The following EGFL7 variants were observed in gnomAD, a reference collection of about 807,000 sequenced individuals.
EGFL7 encodes EGF like domain multiple 7, also known as epidermal growth factor-like protein 7.
A neutral mutation model predicts 37.1 loss-of-function variants in EGFL7; 48 were observed. That is an observed-to-expected ratio of 1.29 (90% CI 1.03 to 1.65). The LOEUF is 1.65. Among genes scored for constraint, EGFL7 ranks in the 40% most tolerant of loss-of-function variants. The pLI is 0.00. For missense variants in EGFL7, 384 were observed against 378.9 expected (o/e 1.01, Z -0.11); for synonymous variants, 180 against 156.8 (o/e 1.15, Z -1.10).
At chr9:136,670,688 C>G (rs373562849) in intron 8 of EGFL7, 1 of 772,724 alleles carries the variant, frequency 1.3e-6, no homozygotes, top group South Asian at 1.4e-5. Flanking sequence ...TCCACGGCAC[C>G]GCATCGAAAA....
chr9:136,667,559 C>T (rs917819792), intron 3 of EGFL7, among the ~76,000 whole-genome samples: 6 of 152,178 alleles, frequency 3.9e-5, no homozygotes, highest in African/African-American at 1.4e-4. Context: ...GGGGGCTGCT[C>T]CTCACCCCCA....
chr9:136,670,884 G>C (rs946562030), intron 8 of EGFL7, 66 bp from the exon 9 acceptor site: 3 of 1,442,408 alleles, frequency 2.1e-6, no homozygotes, highest in Non-Finnish European at 2.8e-6. Flanking sequence ...CTGGGGACAG[G>C]AGGGAGCCTG....
chr9:136,669,900 TC>T lies in EGFL7; in HGVS notation c.314-9del, dbSNP rs1163646501. 6 of 1,565,464 alleles carry T rather than the reference TC, an allele frequency of 3.8e-6. No homozygotes were observed. The highest frequency in any genetic ancestry group is 2.0e-4 in the Middle Eastern group (1 of 4,974). On this transcript the variant is annotated splice_polypyrimidine_tract_variant and intron_variant, in intron 6 of 10. Transcript: ENST00000308874. ...GACCCAACTGAGCTGGTGACCAGCC[TC>T]CCCCGCCCACAGCAATATGCCAGCC... is the stretch of plus-strand genomic sequence containing the variant.
intron 4 of EGFL7, 21 bp downstream of exon 4, chr9:136,668,383 G>A: frequency 6.4e-7 from 1 of 1,567,060 alleles, no homozygotes; most frequent in Admixed American, 1.8e-5. Context: ...CCCTAGCCTG[G>A]GAGTGCTGGG....
chr9:136,672,408 C>T lies in EGFL7; in HGVS notation c.*122C>T. Reference sequence around the variant, plus strand: ...TGACTGAGCGGAAGGCCAGGCAGGGCCTTCCTCCTCTTCCTCCTCCCCTTC... The same window carrying T: ...TGACTGAGCGGAAGGCCAGGCAGGGTCTTCCTCCTCTTCCTCCTCCCCTTC... On this transcript the variant is annotated 3_prime_UTR_variant, in exon 11 of 11. Transcript: ENST00000308874. The T allele has an allele frequency of 8.3e-7, 1 of 1,205,664 alleles. No homozygotes were observed. 74.7% of individuals were successfully genotyped at this position (1,205,664 alleles called of 1,614,324 possible).
At chr9:136,671,281 G>A (rs186435535) in intron 9 of EGFL7, among the ~76,000 whole-genome samples, 38 of 118,214 alleles carry the variant, frequency 3.2e-4, no homozygotes, top group East Asian at 2.5e-3. Context: ...GAGGCGTCGG[G>A]GGGGGAGGCA....
Position 136,669,668 on chromosome 9 carries a change from C to T in EGFL7, c.260C>T (p.Ala87Val), listed in dbSNP as rs745614827. Residue 87 changes from alanine (A) to valine (V), a missense_variant, in exon 6 of 11, where the codon GCG becomes GTG. By Grantham distance (64) the Ala-to-Val change is moderately conservative (BLOSUM62 0). Transcript: ENST00000308874. ...CTGGCCCCTGCCAGGCCTCGCTACG[C>T]GTGCTGCCCCGGCTGGAAGAGGACC... ...PGLAPARPRY[A>V]CCPGWKRTSG... 2.4e-5 allele frequency: 39 copies of T among 1,609,392 alleles called. No individual in the cohort carries two copies. Among genetic ancestry groups the T allele is most frequent in the Admixed American group, 1.3e-4 (8 of 59,670 alleles).
chr9:136,672,550 A>T lies in EGFL7; in HGVS notation c.*264A>T. On this transcript the variant is annotated 3_prime_UTR_variant, in exon 11 of 11. Transcript: ENST00000308874. ...GCATCCCAAGGCCAGGTGGGCCCTCAGCTGAGGGAAGGTACGAGCTCCCTG... is the reference window on the plus strand; with the variant it reads ...GCATCCCAAGGCCAGGTGGGCCCTCTGCTGAGGGAAGGTACGAGCTCCCTG... 1 of 588,318 alleles carries T rather than the reference A, an allele frequency of 1.7e-6. No homozygotes were observed. Among genetic ancestry groups the T allele is most frequent in the South Asian group, 2.0e-5 (1 of 48,950 alleles). The allele number at this position is 588,318 out of a possible 1,614,324, so 36.4% of individuals were successfully genotyped here.
At chr9:136,665,395 C>T (rs1264769526) in intron 3 of EGFL7, among the ~76,000 whole-genome samples, 1 of 152,236 alleles carries the variant, frequency 6.6e-6, no homozygotes, top group African/African-American at 2.4e-5. Context: ...CTGAGATGGG[C>T]GTCCCGGGGT....
chr9:136,665,521 C>T (rs1022164392), intron 3 of EGFL7, among the ~76,000 whole-genome samples: 1 of 152,182 alleles, frequency 6.6e-6, no homozygotes. Context: ...GCGTCCCCAG[C>T]GACCGCGCAG....
At chr9:136,670,740 G>A (rs1845800032) in intron 8 of EGFL7, 2 of 745,614 alleles carry the variant, frequency 2.7e-6, no homozygotes, top group Non-Finnish European at 5.0e-6. Flanking sequence ...AGCGTGGCCG[G>A]GACCCTGAGC....
intron 5 of EGFL7, 87 bp from the exon 6 acceptor site, chr9:136,669,519 G>C (rs1478483668): frequency 1.0e-6 from 1 of 956,132 alleles, no homozygotes; most frequent in African/African-American, 1.6e-5. Context: ...GGGTGACCCT[G>C]TGCACTCTGA....
chr9:136,671,046 G>A lies in EGFL7; in HGVS notation c.636+32G>A, dbSNP rs758455792. ...CATTGGTGGGGGGGGGGGGGGGCAG[G>A]CAGTCCAGGGTGGACCTGCTGGAGG... On this transcript the variant is annotated intron_variant, in intron 9 of 10. Transcript: ENST00000308874. 3.3e-6 allele frequency: 4 copies of A among 1,218,220 alleles called. No homozygotes were observed. The African/African-American group carries it at 8.1e-5, about 25-fold the overall frequency. The allele number at this position is 1,218,220 out of a possible 1,614,324, so 75.5% of individuals were successfully genotyped here. A position where few individuals can be genotyped will look rare whatever the true frequency, so the allele number is the denominator to read the frequency against.
Position 136,669,687 on chromosome 9 carries a change from G to T in EGFL7, c.279G>T (p.Lys93Asn). ...RPRYACCPGW[K>N]RTSGLPGACG... Reference sequence around the variant, plus strand: ...GCTACGCGTGCTGCCCCGGCTGGAAGAGGACCAGCGGGCTTCCTGGGGCCT... The same window carrying T: ...GCTACGCGTGCTGCCCCGGCTGGAATAGGACCAGCGGGCTTCCTGGGGCCT... The change falls in exon 6 of 11, where the codon AAG (lysine) becomes AAT (asparagine). Residue 93 changes from lysine (K) to asparagine (N), a missense_variant. Coordinates refer to ENST00000308874, the MANE Select transcript of EGFL7 (RefSeq NM_016215.5). 6.2e-7 allele frequency: 1 copy of T among 1,605,644 alleles called. No individual in the cohort carries two copies.
At position 136,663,964 on chromosome 9, in the gene EGFL7, G is replaced by A. The variant is rs1393928335; in HGVS notation, c.-137+341G>A. On this transcript the variant is annotated intron_variant, in intron 2 of 10. Transcript: ENST00000308874. Reference sequence around the variant, plus strand: ...CTTCCAGACTCAGGCAGGAGAGGTGGGGAGGCAGGTCAAAGGGTTAAGTGA... The same window carrying A: ...CTTCCAGACTCAGGCAGGAGAGGTGAGGAGGCAGGTCAAAGGGTTAAGTGA... 2.0e-5 allele frequency among the ~76,000 whole-genome samples: 3 copies of A among 152,236 alleles called. No homozygotes were observed. The East Asian group carries it at 5.8e-4, about 29-fold the overall frequency.
At chr9:136,668,718 A>G (rs1284515887) in intron 5 of EGFL7, 45 bp downstream of exon 5, 1 of 1,503,942 alleles carries the variant, frequency 6.6e-7, no homozygotes, top group South Asian at 1.1e-5. Context: ...CAGCCTCCCA[A>G]GTCGGCCACA....
intron 8 of EGFL7, 105 bp from the exon 9 acceptor site, chr9:136,670,844 TG>T: frequency 9.1e-7 from 1 of 1,096,106 alleles, no homozygotes; most frequent in Non-Finnish European, 1.3e-6. Flanking sequence ...GGCAGAGGCC[TG>T]GGCCTGAGTC....
rs200483435 is a variant in EGFL7, at chr9:136,671,990, C to T, written c.701C>T (p.Pro234Leu). 213 of 1,542,596 alleles carry T rather than the reference C, an allele frequency of 1.4e-4. No homozygotes were observed. The highest frequency in any genetic ancestry group is 1.2e-3 in the African/African-American group (86 of 73,128). The change falls in exon 10 of 11, where the codon CCG (proline) becomes CTG (leucine). Residue 234 changes from proline (P) to leucine (L), a missense_variant. Pro to Leu is a moderately conservative substitution (Grantham distance 98, BLOSUM62 -3). Transcript: ENST00000308874. ...LASQALEHGL[P>L]DPGSLLVHSF... ...TCGCAGGCACTGGAGCATGGGCTCC[C>T]GGACCCCGGCAGCCTCCTGGTGCAC...
At chr9:136,660,062 G>A (rs1211346477), upstream of EGFL7, among the ~76,000 whole-genome samples, 1 of 152,200 alleles carries the variant, frequency 6.6e-6, no homozygotes, top group East Asian at 1.9e-4. Flanking sequence ...CACACCACCA[G>A]AGCGGCCAGG....
Sources: gnomAD v4.1 joint callset for allele counts (sites outside exome capture counted in the v4.1 genomes callset) on GRCh38, gnomAD v4.1.1 for gene constraint, MANE v1.5 for transcripts, NCBI Gene and HGNC (gene_info 2026-07-23, HGNC 2026-07-21) for gene names.